The following TNS1 variants were observed in gnomAD, a reference collection of about 807,000 sequenced individuals.
TNS1 encodes tensin 1, also known as tensin-1.
Under a neutral mutation model 168.6 loss-of-function variants are expected in TNS1, and 62 were observed. The observed-to-expected ratio is 0.37, with a 90% CI of 0.30 to 0.45. The LOEUF (loss-of-function observed/expected upper bound fraction) is 0.45, where lower values mean the gene tolerates loss of function less well. Among genes scored for constraint, TNS1 ranks in the 20% least tolerant of loss-of-function variants. TNS1 has a pLI of 1.00. For synonymous variants in TNS1, 934 were observed against 933.2 expected (o/e 1.00, Z -0.02); for missense variants, 2,240 against 2,339.4 (o/e 0.96, Z 0.88).
chr2:217,805,510 C>G (rs1574521649), intron 32 of TNS1, among the ~76,000 whole-genome samples: 1 of 71,684 alleles, frequency 1.4e-5, no homozygotes, highest in African/African-American at 6.6e-5. Context: ...CACACCACCA[C>G]ACACACCACA....
At chr2:217,817,278 C>G (rs1020470225) in intron 24 of TNS1, among the ~76,000 whole-genome samples, 8 of 152,172 alleles carry the variant, frequency 5.3e-5, no homozygotes, top group Non-Finnish European at 1.0e-4. Context: ...GACAGAGCCT[C>G]TAAGCCTCAG....
At chr2:217,884,405 G>C (rs1950995962) in intron 16 of TNS1, among the ~76,000 whole-genome samples, 1 of 152,142 alleles carries the variant, frequency 6.6e-6, no homozygotes, top group South Asian at 2.1e-4. Context: ...GTATTTATAT[G>C]TCCCAGGCAT....
At chr2:217,937,185 TAC>T in intron 3 of TNS1, 1 of 369,864 alleles carries the variant, frequency 2.7e-6, no homozygotes, top group Admixed American at 3.2e-5. Flanking sequence ...TCTACTCCCC[TAC>T]TCCCCTACTC....
At chr2:217,828,573 C>T (rs1943945113) in intron 22 of TNS1, among the ~76,000 whole-genome samples, 1 of 152,212 alleles carries the variant, frequency 6.6e-6, no homozygotes, top group African/African-American at 2.4e-5. Flanking sequence ...CCCGCCCAGG[C>T]TGGCACCCAC....
At chr2:217,921,417 C>T (rs1048305134) in intron 3 of TNS1, among the ~76,000 whole-genome samples, 3 of 152,224 alleles carry the variant, frequency 2.0e-5, no homozygotes, top group African/African-American at 7.2e-5. Context: ...AGCCCAGCCC[C>T]AGCTGGTACT....
At chr2:218,000,745 C>T (rs1200470458) in intron 1 of TNS1, among the ~76,000 whole-genome samples, 2 of 152,208 alleles carry the variant, frequency 1.3e-5, no homozygotes, top group Non-Finnish European at 2.9e-5. Context: ...GTCCCTACTG[C>T]CCCAGTCTCT....
At chr2:217,974,178 G>A (rs1332402073) in intron 3 of TNS1, among the ~76,000 whole-genome samples, 1 of 152,202 alleles carries the variant, frequency 6.6e-6, no homozygotes, top group African/African-American at 2.4e-5. Flanking sequence ...TGCTGGGAAT[G>A]TTCTAGATCA....
chr2:217,879,414 C>T (rs535511998), intron 18 of TNS1: 17 of 453,870 alleles, frequency 3.7e-5, no homozygotes, highest in Admixed American at 7.1e-5. Flanking sequence ...TCTGCTTGGC[C>T]GCTCAGCGCC....
rs1283563776 is a variant in TNS1, at chr2:217,802,449, A to G, written c.*2010T>C. 1.3e-5 allele frequency: 2 copies of G among 152,206 alleles called. No individual in the cohort carries two copies. Among genetic ancestry groups the G allele is most frequent in the Non-Finnish European group, 2.9e-5 (2 of 68,054 alleles). 9.4% of individuals were successfully genotyped at this position (152,206 alleles called of 1,614,324 possible). A position where few individuals can be genotyped will look rare whatever the true frequency, so the allele number is the denominator to read the frequency against. Reference sequence around the variant, plus strand: ...GCACCTATGTGTGCCATACACACCCATGTCCCCGCATGCTCACACACTCGC... The same window carrying G: ...GCACCTATGTGTGCCATACACACCCGTGTCCCCGCATGCTCACACACTCGC... On this transcript the variant is annotated 3_prime_UTR_variant, in exon 33 of 33. Transcript: ENST00000682258.
chr2:217,805,592 C>CA (rs1938703497), intron 32 of TNS1, among the ~76,000 whole-genome samples: 9 of 318 alleles, frequency 0.028, no homozygotes, highest in African/African-American at 0.042. Context: ...ACAACACACA[C>CA]CACCACACAC....
chr2:217,821,425 T>A (rs1942827968), intron 23 of TNS1, among the ~76,000 whole-genome samples: 1 of 152,240 alleles, frequency 6.6e-6, no homozygotes, highest in South Asian at 2.1e-4. Flanking sequence ...AAGTCATTAC[T>A]GTTGGTAGAT....
intron 30 of TNS1, 102 bp downstream of exon 30, chr2:217,809,721 G>A: frequency 8.2e-7 from 1 of 1,226,212 alleles, no homozygotes; most frequent in Non-Finnish European, 1.2e-6. Context: ...ATGAGCAGTT[G>A]GGTGCAAGGA....
chr2:217,885,988 G>GC, intron 14 of TNS1, 56 bp downstream of exon 14: 1 of 1,599,148 alleles, frequency 6.3e-7, no homozygotes, highest in Non-Finnish European at 8.6e-7. Context: ...TTCTGACCTG[G>GC]TCCTTAGCCC....
chr2:217,953,992 C>T (rs72951943), intron 3 of TNS1, among the ~76,000 whole-genome samples: 1 of 152,332 alleles, frequency 6.6e-6, no homozygotes, highest in Non-Finnish European at 1.5e-5. Context: ...AACCAGAAGA[C>T]TCAGGAGAGC....
chr2:217,837,449 G>C (rs542224947), intron 19 of TNS1, among the ~76,000 whole-genome samples: 3 of 152,202 alleles, frequency 2.0e-5, no homozygotes, highest in Non-Finnish European at 4.4e-5. Flanking sequence ...CCAAGCCTAC[G>C]GGCAGACACA....
intron 1 of TNS1, among the ~76,000 whole-genome samples, chr2:218,002,184 C>G (rs1185848709): frequency 2.0e-5 from 3 of 152,134 alleles, no homozygotes; most frequent in Non-Finnish European, 4.4e-5. Flanking sequence ...CCTGGCATCC[C>G]CATCCTGAAA....
intron 1 of TNS1, among the ~76,000 whole-genome samples, chr2:217,998,581 G>A (rs1468328862): frequency 6.6e-6 from 1 of 152,160 alleles, no homozygotes; most frequent in Non-Finnish European, 1.5e-5. Context: ...GCTCGCTATA[G>A]CCTTGACCTC....
Position 218,027,189 on chromosome 2 carries a change from A to AC in TNS1, c.156+6630dup, listed in dbSNP as rs759953604. On this transcript the variant is annotated intron_variant, in intron 1 of 1. Transcript: ENST00000649572. ...CCACCAGCTGCTCCAGTCACCCTAC[A>AC]CCCCCCTGTCGTCTTCCACCCTGAG... Among the ~76,000 whole-genome samples the AC allele has an allele frequency of 2.6e-5, 4 of 151,068 alleles. No individual in the cohort carries two copies. In the East Asian group the frequency reaches 7.8e-4, roughly 29 times the overall value.
rs552655699 is a variant in TNS1 at position 217,907,515 on chromosome 2, T to C, written c.229-264A>G. On this transcript the variant is annotated intron_variant, in intron 4 of 32. Coordinates refer to ENST00000682258, the MANE Select transcript of TNS1 (RefSeq NM_001387777.1). The stretch of plus-strand genomic sequence containing the variant: ...CACGCTCAGTGCCCGGCGCCAGGCC[T>C]CTGGTTCATACAGTTGCTGACCCCA... Among the ~76,000 whole-genome samples, 53 of 152,354 alleles carry C rather than the reference T, an allele frequency of 3.5e-4. 1 individual carries two copies.
Sources: gnomAD v4.1 joint callset for allele counts (sites outside exome capture counted in the v4.1 genomes callset) on GRCh38, gnomAD v4.1.1 for gene constraint, MANE v1.5 for transcripts, NCBI Gene and HGNC (gene_info 2026-07-23, HGNC 2026-07-21) for gene names.